RAB38: variants seen among roughly 807,000 people sequenced by gnomAD.
The protein encoded by RAB38 is ras-related protein Rab-38.
A neutral mutation model predicts 18.4 loss-of-function variants in RAB38; 15 were observed. The ratio of observed to expected loss-of-function variants is 0.82; its 90% CI spans 0.55 to 1.26. The LOEUF (loss-of-function observed/expected upper bound fraction) is 1.26, where lower values mean the gene tolerates loss of function less well. Among genes scored for constraint, RAB38 ranks in the 50% most tolerant of loss-of-function variants. RAB38 has a pLI of 0.00. For synonymous variants in RAB38, 101 were observed against 104.4 expected (o/e 0.97, Z 0.20); for missense variants, 294 against 267.4 (o/e 1.10, Z -0.69).
At chr11:87,804,406 T>C in the RAB38 span, among the ~76,000 whole-genome samples, 2 of 152,176 alleles carry the variant, frequency 1.3e-5, no homozygotes, top group African/African-American at 2.4e-5. Context: ...TGACACCTGC[T>C]GAGGTATCTT....
At chr11:87,892,076 G>C in the RAB38 span, among the ~76,000 whole-genome samples, 116 of 151,900 alleles carry the variant, frequency 7.6e-4, no homozygotes, top group African/African-American at 2.7e-3. Flanking sequence ...AGGAATGTGT[G>C]AGTGAAGGAA....
chr11:87,969,121 G>A, the RAB38 span, among the ~76,000 whole-genome samples: 2 of 151,930 alleles, frequency 1.3e-5, no homozygotes, highest in African/African-American at 2.4e-5. Flanking sequence ...CATGAGTCTT[G>A]GGGGACAAGG....
intron 1 of RAB38, among the ~76,000 whole-genome samples, chr11:88,173,232 C>A (rs2134861978): frequency 6.6e-6 from 1 of 152,274 alleles, no homozygotes; most frequent in Middle Eastern, 3.4e-3. Flanking sequence ...TCTTGCCTAG[C>A]ATTTATATAG....
chr11:88,027,554 C>T, the RAB38 span, among the ~76,000 whole-genome samples: 79 of 152,332 alleles, frequency 5.2e-4, no homozygotes, highest in Non-Finnish European at 8.5e-4. Flanking sequence ...TAAAAAACGG[C>T]GCACCAGGAG....
the RAB38 span, among the ~76,000 whole-genome samples, chr11:87,886,693 T>C: frequency 6.6e-6 from 1 of 151,838 alleles, no homozygotes; most frequent in African/African-American, 2.4e-5. Context: ...ACAGCTGCCC[T>C]GGAAAAGAGA....
the RAB38 span, among the ~76,000 whole-genome samples, chr11:88,045,874 TG>T: frequency 4.6e-5 from 7 of 152,162 alleles, no homozygotes; most frequent in Non-Finnish European, 1.0e-4. Flanking sequence ...TCCCCAACTC[TG>T]GTGTCAGCTT....
chr11:88,150,443 C>T (rs1365295251), intron 1 of RAB38, among the ~76,000 whole-genome samples: 2 of 152,132 alleles, frequency 1.3e-5, no homozygotes, highest in Non-Finnish European at 2.9e-5. Flanking sequence ...CTGATTAAAA[C>T]ATAACCATCC....
At chr11:87,882,652 C>T in the RAB38 span, among the ~76,000 whole-genome samples, 1 of 151,738 alleles carries the variant, frequency 6.6e-6, no homozygotes, top group East Asian at 2.0e-4. Flanking sequence ...TGTAAAGAAA[C>T]AATTAGAATA....
the RAB38 span, among the ~76,000 whole-genome samples, chr11:88,034,682 T>C: frequency 6.6e-6 from 1 of 152,258 alleles, no homozygotes; most frequent in Admixed American, 6.5e-5. Flanking sequence ...CTTCTGTTCG[T>C]TTCCTAATTG....
chr11:87,909,984 A>G, the RAB38 span, among the ~76,000 whole-genome samples: 269 of 152,190 alleles, frequency 1.8e-3, no homozygotes, highest in Middle Eastern at 0.01. Flanking sequence ...AAACTGCCAA[A>G]GTGTTTTTCA....
the RAB38 span, among the ~76,000 whole-genome samples, chr11:88,048,138 C>G: frequency 2.0e-5 from 3 of 152,150 alleles, no homozygotes; most frequent in Admixed American, 1.3e-4. Flanking sequence ...GATTTGCCCC[C>G]ACCCAGGACT....
chr11:87,964,342 C>T, the RAB38 span, among the ~76,000 whole-genome samples: 1 of 152,028 alleles, frequency 6.6e-6, no homozygotes, highest in African/African-American at 2.4e-5. Context: ...AAATCTTTAG[C>T]AGGTTAGTCT....
the RAB38 span, among the ~76,000 whole-genome samples, chr11:88,058,967 A>T: frequency 3.3e-5 from 5 of 152,062 alleles, no homozygotes; most frequent in East Asian, 7.7e-4. Flanking sequence ...TTTCCAAGCA[A>T]TTTTTTCCAT....
the RAB38 span, among the ~76,000 whole-genome samples, chr11:87,862,806 C>T: frequency 0.14 from 21,308 of 151,432 alleles, 1,686 homozygotes; most frequent in Admixed American, 0.21. Context: ...ACTAAATGGC[C>T]GGTATTATCA....
chr11:88,044,074 C>T, the RAB38 span, among the ~76,000 whole-genome samples: 22 of 152,156 alleles, frequency 1.4e-4, no homozygotes, highest in Admixed American at 2.0e-4. Flanking sequence ...CTTTCCTTTT[C>T]GGGTAGAGAC....
the RAB38 span, among the ~76,000 whole-genome samples, chr11:88,059,002 C>T: frequency 6.6e-6 from 1 of 152,136 alleles, no homozygotes; most frequent in East Asian, 1.9e-4. Context: ...CAAGGGATTC[C>T]CTAAGAGTAT....
chr11:87,936,341 TTTTA>T, the RAB38 span, among the ~76,000 whole-genome samples: 6 of 152,128 alleles, frequency 3.9e-5, no homozygotes, highest in East Asian at 1.9e-4. Context: ...CAAGCTTTAT[TTTTA>T]TTTATTTATT....
chr11:87,912,349 G>C, the RAB38 span, among the ~76,000 whole-genome samples: 1 of 151,920 alleles, frequency 6.6e-6, no homozygotes, highest in African/African-American at 2.4e-5. Flanking sequence ...CTTGTGTGAA[G>C]ATTTTTAACA....
chr11:88,065,610 C>A, the RAB38 span, among the ~76,000 whole-genome samples: 13 of 152,292 alleles, frequency 8.5e-5, 1 homozygote, highest in South Asian at 2.5e-3. Flanking sequence ...TATTGGCTCT[C>A]CCACTCAAAA....
Sources: gnomAD v4.1 joint callset for allele counts (sites outside exome capture counted in the v4.1 genomes callset) on GRCh38, gnomAD v4.1.1 for gene constraint, MANE v1.5 for transcripts, NCBI Gene and HGNC (gene_info 2026-07-23, HGNC 2026-07-21) for gene names.